PCDHA5: variants seen among roughly 807,000 people sequenced by gnomAD.
The protein encoded by PCDHA5 is protocadherin alpha 5.
PCDHA5 carries 43 observed loss-of-function variants against 61.6 expected under a neutral mutation model. The ratio of observed to expected loss-of-function variants is 0.70; its 90% confidence interval spans 0.55 to 0.90. The LOEUF (loss-of-function observed/expected upper bound fraction) is 0.90, where lower values mean the gene tolerates loss of function less well. Ranked by LOEUF, PCDHA5 falls within the 40% of genes least tolerant of loss-of-function variation. The pLI, the probability that PCDHA5 is intolerant of heterozygous loss-of-function variation, is 0.00. For synonymous variants in PCDHA5, 627 were observed against 543.9 expected, an observed-to-expected ratio of 1.15 and a Z score of -2.13; for missense variants, 1,298 against 1,222.7, an observed-to-expected ratio of 1.06 and a Z score of -0.92.
intron 1 of PCDHA5, among the ~76,000 whole-genome samples, chr5:140,891,471 C>T (rs1239816606): frequency 6.6e-6 from 1 of 151,474 alleles, no homozygotes; most frequent in Non-Finnish European, 1.5e-5. Flanking sequence ...GAATTAATGC[C>T]TTTACATCAC....
rs369562052 is a variant in PCDHA5, at chr5:140,877,058, A to G, written c.2352+52931A>G. On this transcript the variant is annotated intron_variant, in intron 1 of 3. Transcript: ENST00000529859. Reference sequence around the variant, plus strand: ...CAGCCGCTAGACCACGAGGAGCTGGAGCTGCTGCAGTTCCAGGTGAGCGCG... The same window carrying G: ...CAGCCGCTAGACCACGAGGAGCTGGGGCTGCTGCAGTTCCAGGTGAGCGCG... The G allele has an allele frequency of 1.9e-6, 3 of 1,612,726 alleles. No homozygotes were observed. The African/African-American group carries it at 4.0e-5, about 22-fold the overall frequency.
In PCDHA5 at chr5:140,857,461, C is replaced by T. The variant is rs1554150068; in HGVS notation, c.2352+33334C>T. 9 of 1,598,524 alleles carry T rather than the reference C, an allele frequency of 5.6e-6. 1 individual carries two copies. Among genetic ancestry groups the T allele is most frequent in the Non-Finnish European group, 7.7e-6 (9 of 1,167,928 alleles). On this transcript the variant is annotated intron_variant, in intron 1 of 3. Transcript: ENST00000529859. ...TGAAGGAGAACAACCCGCCAGGCTG[C>T]CACATCTTCACGGTGTCTGCGTGGG...
chr5:140,828,642 T>C (rs1769868175), intron 1 of PCDHA5: 1 of 1,614,010 alleles, frequency 6.2e-7, no homozygotes, highest in Non-Finnish European at 8.5e-7. Flanking sequence ...GATGTGAAAA[T>C]AAACAGTGAT....
At chr5:140,911,410 A>G (rs1472938045) in intron 1 of PCDHA5, among the ~76,000 whole-genome samples, 1 of 152,208 alleles carries the variant, frequency 6.6e-6, no homozygotes, top group African/African-American at 2.4e-5. Context: ...AGCCACTGGT[A>G]TGATAAGAAC....
At chr5:140,921,333 A>G (rs1245281166) in intron 1 of PCDHA5, among the ~76,000 whole-genome samples, 1 of 152,182 alleles carries the variant, frequency 6.6e-6, no homozygotes, top group Admixed American at 6.5e-5. Flanking sequence ...GTCTGGTCCA[A>G]TCACATAATA....
In PCDHA5 at chr5:140,929,533, A is replaced by G; in HGVS notation, c.2353-49416A>G. 8.5e-6 allele frequency: 5 copies of G among 588,644 alleles called. No individual in the cohort carries two copies. The East Asian group carries it at 1.3e-4, about 16-fold the overall frequency. The allele number at this position is 588,644 out of a possible 1,614,324, so 36.5% of individuals were successfully genotyped here. The stretch of plus-strand genomic sequence containing the variant: ...AAGGGACTTATAGTTTATTTTTGAG[A>G]AACAAGGGCAAAAATTAAAACCTAT... On this transcript the variant is annotated intron_variant, in intron 1 of 3. Coordinates refer to ENST00000529859, the MANE Select transcript of PCDHA5 (RefSeq NM_018908.3).
intron 1 of PCDHA5, chr5:140,968,796 C>G (rs2096270881): frequency 6.2e-7 from 1 of 1,614,220 alleles, no homozygotes; most frequent in East Asian, 2.2e-5. Context: ...GTGGCCATTA[C>G]AGTAGCTGTG....
intron 1 of PCDHA5, chr5:140,856,566 CA>C (rs1554148860): frequency 6.3e-7 from 1 of 1,597,240 alleles, no homozygotes; most frequent in South Asian, 1.1e-5. Flanking sequence ...AAACTCAGTC[CA>C]AATGAGTATT....
intron 1 of PCDHA5, chr5:140,862,407 C>T: frequency 2.8e-6 from 1 of 351,564 alleles, no homozygotes; most frequent in Non-Finnish European, 5.6e-6. Flanking sequence ...TGTCTACCTT[C>T]AAAAGGCGCT....
At chr5:140,848,525 G>A (rs1243766523) in intron 1 of PCDHA5, 1 of 1,594,042 alleles carries the variant, frequency 6.3e-7, no homozygotes, top group Non-Finnish European at 8.6e-7. Context: ...GAGATCCAGA[G>A]GGTCAGCCTC....
chr5:140,870,209 C>T (rs1174096449), intron 1 of PCDHA5: 3 of 1,614,176 alleles, frequency 1.9e-6, no homozygotes, highest in East Asian at 4.5e-5. Context: ...ACGGTCATTG[C>T]CCTGATCAGC....
chr5:140,836,030 G>C, intron 1 of PCDHA5: 1 of 1,613,484 alleles, frequency 6.2e-7, no homozygotes, highest in Non-Finnish European at 8.5e-7. Flanking sequence ...GCAGCAACGT[G>C]ACGCTGCAGG....
chr5:140,913,670 A>G (rs2076427033), intron 1 of PCDHA5, among the ~76,000 whole-genome samples: 1 of 152,090 alleles, frequency 6.6e-6, no homozygotes, highest in Non-Finnish European at 1.5e-5. Flanking sequence ...TAGTTAGGTT[A>G]TTTAAAATGA....
chr5:140,918,517 G>A (rs2078735105), intron 1 of PCDHA5, among the ~76,000 whole-genome samples: 1 of 152,134 alleles, frequency 6.6e-6, no homozygotes, highest in South Asian at 2.1e-4. Flanking sequence ...TAAACTTATT[G>A]AGGATTGTTT....
At chr5:140,938,947 A>AT (rs1554212493) in intron 1 of PCDHA5, among the ~76,000 whole-genome samples, 1 of 152,094 alleles carries the variant, frequency 6.6e-6, no homozygotes, top group Non-Finnish European at 1.5e-5. Flanking sequence ...CATTCTTATA[A>AT]TGCTCTAGTC....
At chr5:140,931,444 A>T (rs2087532526) in intron 1 of PCDHA5, among the ~76,000 whole-genome samples, 1 of 135,860 alleles carries the variant, frequency 7.4e-6, no homozygotes, top group Non-Finnish European at 1.6e-5. Context: ...TTAGCTATTT[A>T]AAAGGAAAAA....
chr5:140,871,371 G>A (rs948553844), intron 1 of PCDHA5: 1 of 1,614,202 alleles, frequency 6.2e-7, no homozygotes, highest in Non-Finnish European at 8.5e-7. Context: ...GGCGGCAGAG[G>A]GTGTGCTCTG....
intron 1 of PCDHA5, among the ~76,000 whole-genome samples, chr5:140,896,536 C>CT (rs34213614): frequency 0.32 from 46,252 of 145,528 alleles, 7,425 homozygotes; most frequent in East Asian, 0.53. Flanking sequence ...AGCTATTTTT[C>CT]TTTTTTTTTT....
chr5:140,968,567 G>A (rs1586307422), intron 1 of PCDHA5: 1 of 1,614,156 alleles, frequency 6.2e-7, no homozygotes, highest in East Asian at 2.2e-5. Flanking sequence ...TGCCCCTGCT[G>A]GCTACCTGGT....
Sources: allele counts gnomAD v4.1 joint callset (sites outside exome capture counted in the v4.1 genomes callset), GRCh38; gene constraint gnomAD v4.1.1; transcripts MANE v1.5; gene names NCBI Gene and HGNC (gene_info 2026-07-23, HGNC 2026-07-21).